HNF1B: variants seen among roughly 807,000 people sequenced by gnomAD.
HNF1B encodes the protein HNF1 homeobox B, also known as hepatocyte nuclear factor 1-beta.
HNF1B carries 8 observed loss-of-function variants against 61.7 expected under a neutral mutation model. That is an observed-to-expected ratio of 0.13 (90% CI 0.08 to 0.23). HNF1B has a LOEUF of 0.23. Ranked by LOEUF, HNF1B falls within the 10% of genes least tolerant of loss-of-function variation. The pLI is 1.00. For missense variants in HNF1B, 562 were observed against 714.5 expected (o/e 0.79, Z 2.43); for synonymous variants, 314 against 287.7 (o/e 1.09, Z -0.93).
chr17:37,731,406 C>G (rs1300447842), intron 4 of HNF1B, 189 bp downstream of exon 4: 2 of 694,846 alleles, frequency 2.9e-6, no homozygotes, highest in Admixed American at 4.0e-5. Flanking sequence ...AATGGCTGAA[C>G]CAGGAGTTGG....
At chr17:37,713,210 G>A (rs2032994038) in intron 4 of HNF1B, among the ~76,000 whole-genome samples, 1 of 152,082 alleles carries the variant, frequency 6.6e-6, no homozygotes, top group Non-Finnish European at 1.5e-5. Flanking sequence ...CTCCCAGCCT[G>A]TCCCCATCAT....
chr17:37,698,425 C>G (rs1280129975), intron 8 of HNF1B, among the ~76,000 whole-genome samples: 7 of 152,182 alleles, frequency 4.6e-5, no homozygotes, highest in African/African-American at 1.7e-4. Context: ...AGAGGTGGGA[C>G]TTAGTCATCA....
At chr17:37,720,667 T>C in intron 4 of HNF1B, 1 of 387,694 alleles carries the variant, frequency 2.6e-6, no homozygotes, top group Non-Finnish European at 3.5e-6. Flanking sequence ...ATTTCACAAA[T>C]ATATGGAGTG....
intron 8 of HNF1B, among the ~76,000 whole-genome samples, chr17:37,698,216 G>T (rs895208796): frequency 3.9e-5 from 6 of 152,034 alleles, no homozygotes; most frequent in African/African-American, 1.5e-4. Flanking sequence ...TCTAGTAATC[G>T]ATAGAGGCCA....
In HNF1B at chr17:37,724,921, T is replaced by C. The variant is rs1022271692; in HGVS notation, c.1045+6674A>G. ...ATGTATGCGTGTGTGTGTGTGTGTGTGTGTGTGTGTGTGTGTATATATATA... is the reference window on the plus strand; with the variant it reads ...ATGTATGCGTGTGTGTGTGTGTGTGCGTGTGTGTGTGTGTGTATATATATA... On this transcript the variant is annotated intron_variant, in intron 4 of 8. Coordinates refer to ENST00000617811, the MANE Select transcript of HNF1B (RefSeq NM_000458.4). 1.8e-3 allele frequency among the ~76,000 whole-genome samples: 243 copies of C among 137,096 alleles called. 3 individuals are homozygous for C. The highest frequency in any genetic ancestry group is 6.4e-3 in the African/African-American group (223 of 34,862). 89.9% of individuals were successfully genotyped at this position (137,096 alleles called of 152,430 possible).
chr17:37,731,058 C>T (rs1369367352), intron 4 of HNF1B: 1 of 182,146 alleles, frequency 5.5e-6, no homozygotes, highest in African/African-American at 2.4e-5. Flanking sequence ...GTGACTGACC[C>T]CCACCAACCC....
At chr17:37,718,441 G>A (rs2033196089) in intron 4 of HNF1B, among the ~76,000 whole-genome samples, 1 of 152,222 alleles carries the variant, frequency 6.6e-6, no homozygotes, top group Admixed American at 6.5e-5. Context: ...TCACATCTGA[G>A]AGTATGTTAC....
At chr17:37,693,363 C>T (rs1295385523) in intron 8 of HNF1B, among the ~76,000 whole-genome samples, 3 of 152,004 alleles carry the variant, frequency 2.0e-5, no homozygotes, top group Non-Finnish European at 4.4e-5. Flanking sequence ...GGGATTTTCC[C>T]CATTTATAGA....
chr17:37,716,681 T>C (rs747657892), intron 4 of HNF1B, among the ~76,000 whole-genome samples: 8 of 152,220 alleles, frequency 5.3e-5, no homozygotes, highest in South Asian at 2.1e-4. Flanking sequence ...CTGCTCAGGG[T>C]GCCATTCACC....
Position 37,745,020 on chromosome 17 carries a change from G to A in HNF1B, c.-136C>T. On this transcript the variant is annotated 5_prime_UTR_variant, in exon 1 of 9. Transcript: ENST00000617811. Reference sequence around the variant, plus strand: ...GCCTCCAGACACCTGTTACTCCCCGGGGTCCCGGAGGCTCCTCCGAAAGGA... The same window carrying A: ...GCCTCCAGACACCTGTTACTCCCCGAGGTCCCGGAGGCTCCTCCGAAAGGA... 1.4e-5 allele frequency: 10 copies of A among 721,428 alleles called. No individual in the cohort carries two copies. In the South Asian group the frequency reaches 1.9e-4, roughly 13 times the overall value. The allele number at this position is 721,428 out of a possible 1,614,324, so 44.7% of individuals were successfully genotyped here.
intron 5 of HNF1B, among the ~76,000 whole-genome samples, chr17:37,706,343 C>T (rs574279995): frequency 3.3e-5 from 5 of 152,176 alleles, no homozygotes; most frequent in Admixed American, 3.3e-4. Flanking sequence ...ATCAGGAACC[C>T]CGAGAGGTGC....
intron 2 of HNF1B, among the ~76,000 whole-genome samples, chr17:37,734,554 C>T (rs2033779196): frequency 6.6e-6 from 1 of 152,174 alleles, no homozygotes; most frequent in African/African-American, 2.4e-5. Flanking sequence ...GAACCAGCAG[C>T]TCGGCCCAGA....
rs950613196 is a variant in HNF1B, at chr17:37,741,376, T to C, written c.345-1737A>G. Among the ~76,000 whole-genome samples, 4 of 152,020 alleles carry C rather than the reference T, an allele frequency of 2.6e-5. No homozygotes were observed. In the East Asian group the frequency reaches 7.7e-4, roughly 29 times the overall value. On this transcript the variant is annotated intron_variant, in intron 1 of 8. Coordinates refer to ENST00000617811, the MANE Select transcript of HNF1B (RefSeq NM_000458.4). ...TTTGAGAAATGCAAACTTTTTATATTAATTATATATAAGAACGAATTTCTC... is the reference window on the plus strand; with the variant it reads ...TTTGAGAAATGCAAACTTTTTATATCAATTATATATAAGAACGAATTTCTC...
chr17:37,689,065 A>C (rs1008595144), intron 8 of HNF1B, among the ~76,000 whole-genome samples: 6 of 151,380 alleles, frequency 4.0e-5, no homozygotes, highest in African/African-American at 1.5e-4. Flanking sequence ...GAATCGTTTG[A>C]ACCCAGGAGG....
intron 1 of HNF1B, among the ~76,000 whole-genome samples, chr17:37,743,437 A>G (rs2034063616): frequency 6.6e-6 from 1 of 152,204 alleles, no homozygotes; most frequent in African/African-American, 2.4e-5. Flanking sequence ...TGGGGAAAAA[A>G]AATCTACAAG....
rs12938438 is a variant in HNF1B, at chr17:37,699,379, C to G, written c.1535-185G>C. ...TAAATTCCAAGTCACATAACCAACT[C>G]CCGAAAGCATGTGGATGCTTGGCTG... On this transcript the variant is annotated intron_variant, in intron 7 of 8. Coordinates refer to ENST00000617811, the MANE Select transcript of HNF1B (RefSeq NM_000458.4). Among the ~76,000 whole-genome samples the G allele has an allele frequency of 0.29, 44,730 of 151,670 alleles. 6,847 individuals are homozygous for G. Among genetic ancestry groups the G allele is most frequent in the Admixed American group, 0.36 (5,515 of 15,242 alleles).
At position 37,697,558 on chromosome 17, in the gene HNF1B, T is replaced by C. The variant is rs60725238; in HGVS notation, c.1653+1518A>G. Reference sequence around the variant, plus strand: ...GAAAGACAGGAATAATTAATCATGGTCCTGTCTGGGGCTGACCAAGCGGCA... The same window carrying C: ...GAAAGACAGGAATAATTAATCATGGCCCTGTCTGGGGCTGACCAAGCGGCA... On this transcript the variant is annotated intron_variant, in intron 8 of 8. Coordinates refer to ENST00000617811, the MANE Select transcript of HNF1B (RefSeq NM_000458.4). 1.2e-4 allele frequency among the ~76,000 whole-genome samples: 18 copies of C among 152,326 alleles called. No homozygotes were observed. The East Asian group carries it at 2.9e-3, about 24-fold the overall frequency.
chr17:37,716,103 C>A (rs1291379166), intron 4 of HNF1B, among the ~76,000 whole-genome samples: 1 of 152,144 alleles, frequency 6.6e-6, no homozygotes, highest in African/African-American at 2.4e-5. Context: ...GAGCTGAGAT[C>A]GTGCCACTGC....
At chr17:37,710,423 G>C in intron 5 of HNF1B, 80 bp downstream of exon 5, 1 of 1,540,638 alleles carries the variant, frequency 6.5e-7, no homozygotes, top group East Asian at 2.2e-5. Flanking sequence ...CATTGTTTGA[G>C]GCAGGCCTTG....
Sources: gnomAD v4.1 joint callset for allele counts (sites outside exome capture counted in the v4.1 genomes callset) on GRCh38, gnomAD v4.1.1 for gene constraint, MANE v1.5 for transcripts, NCBI Gene and HGNC (gene_info 2026-07-23, HGNC 2026-07-21) for gene names.